Variants in LINC00305 observed in about 807,000 individuals in gnomAD.
LINC00305 encodes the protein long intergenic non-protein coding RNA 305.
Position 64,123,250 on chromosome 18 carries a change from G to C in LINC00305, n.315-24610C>G, listed in dbSNP as rs563480083. 2.0e-5 allele frequency among the ~76,000 whole-genome samples: 3 copies of C among 152,044 alleles called. No homozygotes were observed. In the East Asian group the frequency reaches 5.8e-4, roughly 29 times the overall value. On this transcript the variant is annotated intron_variant and non_coding_transcript_variant, in intron 1 of 3. Coordinates refer to ENST00000666468, the Ensembl canonical transcript of LINC00305. Reference sequence around the variant, plus strand: ...GTGGTGAAAGCGGTTACCTCTTCTTGGTCTTCCTAAGCAACTTCCCTAGTT... The same window carrying C: ...GTGGTGAAAGCGGTTACCTCTTCTTCGTCTTCCTAAGCAACTTCCCTAGTT...
chr18:64,117,425 A>T (rs2051342664), intron 1 of LINC00305, among the ~76,000 whole-genome samples: 1 of 152,210 alleles, frequency 6.6e-6, no homozygotes, highest in Non-Finnish European at 1.5e-5. Flanking sequence ...CAAGTAAAAA[A>T]GTTGGTAGAT....
intron 1 of LINC00305, among the ~76,000 whole-genome samples, chr18:64,136,532 A>C (rs1040276738): frequency 3.7e-4 from 56 of 152,166 alleles, no homozygotes; most frequent in African/African-American, 1.3e-3. Flanking sequence ...GCATGGGGCA[A>C]ACCACCCCCA....
chr18:64,104,876 C>G (rs2062890430), intron 1 of LINC00305, among the ~76,000 whole-genome samples: 1 of 151,774 alleles, frequency 6.6e-6, no homozygotes, highest in African/African-American at 2.4e-5. Context: ...GACCCGGAGG[C>G]CTCTCTACCC....
At chr18:64,118,222 A>G (rs1175275094) in intron 1 of LINC00305, among the ~76,000 whole-genome samples, 1 of 152,222 alleles carries the variant, frequency 6.6e-6, no homozygotes, top group Non-Finnish European at 1.5e-5. Context: ...GATGAAGAAC[A>G]TGCACAATTA....
intron 1 of LINC00305, among the ~76,000 whole-genome samples, chr18:64,108,032 G>T (rs1052822541): frequency 6.6e-6 from 1 of 152,132 alleles, no homozygotes; most frequent in African/African-American, 2.4e-5. Context: ...ATTGGTGATT[G>T]GTGTGCTACT....
At chr18:64,121,201 T>A (rs1378820819) in intron 1 of LINC00305, among the ~76,000 whole-genome samples, 2 of 152,124 alleles carry the variant, frequency 1.3e-5, no homozygotes, top group African/African-American at 4.8e-5. Flanking sequence ...CCTCTTCTTT[T>A]TTAAATTTGT....
rs542459001 is a variant in LINC00305 at position 64,108,177 on chromosome 18, C to T, written n.315-9537G>A. Among the ~76,000 whole-genome samples the T allele has an allele frequency of 2.6e-5, 4 of 152,202 alleles. No individual in the cohort carries two copies. In the South Asian group the frequency reaches 8.3e-4, roughly 32 times the overall value. On this transcript the variant is annotated intron_variant and non_coding_transcript_variant, in intron 1 of 3. Coordinates refer to ENST00000666468, the Ensembl canonical transcript of LINC00305. ...ATTTCTGGATAATAATCCAACTCTACAAATTGAAGAAGCAACATACCCTCT... is the reference window on the plus strand; with the variant it reads ...ATTTCTGGATAATAATCCAACTCTATAAATTGAAGAAGCAACATACCCTCT...
intron 1 of LINC00305, among the ~76,000 whole-genome samples, chr18:64,100,077 A>T (rs2051262129): frequency 6.6e-6 from 1 of 152,138 alleles, no homozygotes; most frequent in South Asian, 2.1e-4. Context: ...AAGACTTAAT[A>T]TCCAATTATT....
intron 3 of LINC00305, among the ~76,000 whole-genome samples, chr18:64,083,644 C>T (rs2051192945): frequency 6.6e-6 from 1 of 152,152 alleles, no homozygotes; most frequent in African/African-American, 2.4e-5. Flanking sequence ...AGAAAAGGAG[C>T]ACGGGCCCCT....
At chr18:64,115,642 A>G (rs2051334200) in intron 1 of LINC00305, among the ~76,000 whole-genome samples, 1 of 152,198 alleles carries the variant, frequency 6.6e-6, no homozygotes, top group Admixed American at 6.5e-5. Flanking sequence ...GAGTCTGTTC[A>G]AGGAGGCCTC....
chr18:64,119,006 T>C (rs1236249119), intron 1 of LINC00305, among the ~76,000 whole-genome samples: 2 of 152,146 alleles, frequency 1.3e-5, no homozygotes, highest in Non-Finnish European at 2.9e-5. Flanking sequence ...TAATGAATAC[T>C]ACTTTTGTCC....
Position 64,123,751 on chromosome 18 carries a change from A to T in LINC00305, n.314+25024T>A, listed in dbSNP as rs571240505. 4.6e-5 allele frequency among the ~76,000 whole-genome samples: 7 copies of T among 152,126 alleles called. No individual in the cohort carries two copies. The East Asian group carries it at 1.4e-3, about 30-fold the overall frequency. Reference sequence around the variant, plus strand: ...TTCCAATTTGATTCCCAAGGTGGCAATGTTGGAAGGCAGGGCCTGGTAGGA... The same window carrying T: ...TTCCAATTTGATTCCCAAGGTGGCATTGTTGGAAGGCAGGGCCTGGTAGGA... On this transcript the variant is annotated intron_variant and non_coding_transcript_variant, in intron 1 of 3. Coordinates refer to ENST00000666468, the Ensembl canonical transcript of LINC00305.
At chr18:64,138,955 A>G (rs188956841) in intron 1 of LINC00305, among the ~76,000 whole-genome samples, 42 of 152,200 alleles carry the variant, frequency 2.8e-4, no homozygotes, top group Non-Finnish European at 5.6e-4. Flanking sequence ...TAACCAGTGC[A>G]TGCAGACGGT....
At chr18:64,104,043 A>G (rs1342693853) in intron 1 of LINC00305, 1 of 152,214 alleles carries the variant, frequency 6.6e-6, no homozygotes, top group East Asian at 1.9e-4. Flanking sequence ...TTCTTGACAG[A>G]AAGAAAGATT....
intron 1 of LINC00305, among the ~76,000 whole-genome samples, chr18:64,137,505 T>A (rs1030475510): frequency 1.4e-4 from 21 of 152,214 alleles, no homozygotes; most frequent in African/African-American, 4.1e-4. Flanking sequence ...TCAAAATGTT[T>A]TAAATTATGA....
chr18:64,118,754 T>G (rs2144256835), intron 1 of LINC00305, among the ~76,000 whole-genome samples: 1 of 152,198 alleles, frequency 6.6e-6, no homozygotes, highest in South Asian at 2.1e-4. Context: ...CATCATTGGC[T>G]ATCTTGCACC....
intron 1 of LINC00305, among the ~76,000 whole-genome samples, chr18:64,131,362 C>T (rs867542114): frequency 4.6e-5 from 7 of 152,166 alleles, no homozygotes; most frequent in South Asian, 2.1e-4. Flanking sequence ...AAAGTATTCA[C>T]GCTTGGCTTA....
intron 1 of LINC00305, among the ~76,000 whole-genome samples, chr18:64,120,096 A>G (rs2051355007): frequency 6.6e-6 from 1 of 152,128 alleles, no homozygotes; most frequent in Non-Finnish European, 1.5e-5. Context: ...TTCTTTAAAA[A>G]TAGATTTATG....
chr18:64,107,889 C>T (rs1029693415), intron 1 of LINC00305, among the ~76,000 whole-genome samples: 12 of 152,270 alleles, frequency 7.9e-5, no homozygotes, highest in Admixed American at 2.6e-4. Context: ...TACATCTCCA[C>T]GAGCAGGGTT....
Sources: allele counts gnomAD v4.1 joint callset (sites outside exome capture counted in the v4.1 genomes callset), GRCh38; gene constraint gnomAD v4.1.1; transcripts MANE v1.5; gene names NCBI Gene and HGNC (gene_info 2026-07-23, HGNC 2026-07-21).